TYW1: variants seen among roughly 807,000 people sequenced by gnomAD.
The protein encoded by TYW1 is tRNA-yW synthesizing protein 1 homolog.
TYW1 carries 46 observed loss-of-function variants against 96.2 expected under a neutral mutation model. The ratio of observed to expected loss-of-function variants is 0.48; its 90% CI spans 0.38 to 0.61. TYW1 has a LOEUF of 0.61. Among genes scored for constraint, TYW1 ranks in the 20% least tolerant of loss-of-function variants. TYW1 has a pLI of 0.00. For missense variants in TYW1, 684 were observed against 909.6 expected, an observed-to-expected ratio of 0.75 and a Z score of 3.19; for synonymous variants, 274 against 323.0, an observed-to-expected ratio of 0.85 and a Z score of 1.63.
chr7:67,213,163 C>T (rs1460672129), intron 15 of TYW1, among the ~76,000 whole-genome samples: 2 of 140,270 alleles, frequency 1.4e-5, no homozygotes, highest in East Asian at 2.0e-4. Flanking sequence ...TGAGCCACCA[C>T]GCCCGGCCCT....
intron 10 of TYW1, among the ~76,000 whole-genome samples, chr7:67,070,457 T>C (rs564291445): frequency 2.0e-5 from 3 of 152,300 alleles, no homozygotes; most frequent in South Asian, 4.1e-4. Context: ...TTTTTCTACT[T>C]AGACAAGATA....
chr7:67,098,127 A>G (rs1024933578), intron 11 of TYW1, among the ~76,000 whole-genome samples: 3 of 152,174 alleles, frequency 2.0e-5, no homozygotes, highest in Non-Finnish European at 4.4e-5. Context: ...ACAGCTTTGG[A>G]CCAACTACAT....
chr7:67,026,452 G>A (rs1479941203), intron 7 of TYW1, among the ~76,000 whole-genome samples: 1 of 152,102 alleles, frequency 6.6e-6, no homozygotes, highest in Non-Finnish European at 1.5e-5. Context: ...GCATCAAAGT[G>A]GACTCGAACA....
intron 15 of TYW1, among the ~76,000 whole-genome samples, chr7:67,199,308 G>T (rs191935455): frequency 5.3e-5 from 8 of 152,176 alleles, no homozygotes; most frequent in Non-Finnish European, 1.0e-4. Flanking sequence ...TGTTGGCGAC[G>T]TGTCCTTTTC....
rs887519680 is a variant in TYW1, at chr7:67,067,494, T to C, written c.1274+91T>C. On this transcript the variant is annotated intron_variant, in intron 10 of 15. Transcript: ENST00000359626. ...CTCACACTCAGACTTACCTAAGAGC[T>C]CTGCTGTCTTGGTGATTAATCTTTT... 7 of 1,400,008 alleles carry C rather than the reference T, an allele frequency of 5.0e-6. No homozygotes were observed. The African/African-American group carries it at 1.0e-4, about 20-fold the overall frequency. 86.7% of individuals were successfully genotyped at this position (1,400,008 alleles called of 1,614,324 possible). A position where few individuals can be genotyped will look rare whatever the true frequency, so the allele number is the denominator to read the frequency against.
rs190771858 is a variant in TYW1 at position 67,144,670 on chromosome 7, C to T, written c.1698+27052C>T. 3.3e-5 allele frequency among the ~76,000 whole-genome samples: 5 copies of T among 152,166 alleles called. No individual in the cohort carries two copies. In the East Asian group the frequency reaches 9.7e-4, roughly 29 times the overall value. On this transcript the variant is annotated intron_variant, in intron 13 of 15. Transcript: ENST00000359626. Reference sequence around the variant, plus strand: ...ATTTTTTATAGAGACAGGGTTTCGCCGTGTTGCCCAGCCTCCTCTAGAGCT... The same window carrying T: ...ATTTTTTATAGAGACAGGGTTTCGCTGTGTTGCCCAGCCTCCTCTAGAGCT...
chr7:67,013,889 A>G (rs1185213163), intron 4 of TYW1, among the ~76,000 whole-genome samples: 37 of 150,534 alleles, frequency 2.5e-4, no homozygotes, highest in Admixed American at 1.3e-3. Context: ...GACTACAGGC[A>G]CCCGCCACCA....
intron 6 of TYW1, among the ~76,000 whole-genome samples, chr7:67,024,279 G>A (rs1346167864): frequency 2.6e-5 from 4 of 151,932 alleles, no homozygotes; most frequent in Non-Finnish European, 5.9e-5. Context: ...ATGCTCCTGC[G>A]TCAGCCTCCT....
At chr7:67,055,613 G>T (rs1327282279) in intron 8 of TYW1, among the ~76,000 whole-genome samples, 1 of 136,692 alleles carries the variant, frequency 7.3e-6, no homozygotes, top group African/African-American at 2.5e-5. Flanking sequence ...AAAAAAAAAA[G>T]ATCATTTCTT....
chr7:67,173,158 T>G (rs542817504), intron 13 of TYW1, among the ~76,000 whole-genome samples: 2 of 152,324 alleles, frequency 1.3e-5, no homozygotes, highest in East Asian at 3.9e-4. Flanking sequence ...TTTTCTCTGA[T>G]AGTTTCCAAA....
Position 67,217,191 on chromosome 7 carries a change from A to G in TYW1, c.1978-21117A>G, listed in dbSNP as rs1801222432. Among the ~76,000 whole-genome samples, 3 of 151,698 alleles carry G rather than the reference A, an allele frequency of 2.0e-5. No individual in the cohort carries two copies. The East Asian group carries it at 5.8e-4, about 30-fold the overall frequency. On this transcript the variant is annotated intron_variant, in intron 15 of 15. Coordinates refer to ENST00000359626, the MANE Select transcript of TYW1 (RefSeq NM_018264.4). The stretch of plus-strand genomic sequence containing the variant: ...TCCCTTACCAGATACATCATTTGCA[A>G]TTTTTTTCCCCATTTTCTGAGTTGC...
chr7:67,164,620 A>AG (rs1474166170), intron 13 of TYW1, among the ~76,000 whole-genome samples: 1 of 151,812 alleles, frequency 6.6e-6, no homozygotes, highest in African/African-American at 2.4e-5. Context: ...AAAAAAAAAA[A>AG]AAAAAGTTAC....
At chr7:67,158,820 C>G (rs1360071661) in intron 13 of TYW1, among the ~76,000 whole-genome samples, 1 of 151,660 alleles carries the variant, frequency 6.6e-6, no homozygotes, top group African/African-American at 2.4e-5. Flanking sequence ...ATCTGCCCGC[C>G]TCAGCCTCCC....
intron 12 of TYW1, among the ~76,000 whole-genome samples, chr7:67,108,117 T>G (rs1797295984): frequency 6.6e-6 from 1 of 152,032 alleles, no homozygotes; most frequent in East Asian, 1.9e-4. Flanking sequence ...CTTCAAGTGA[T>G]TTGCCTGCCT....
intron 11 of TYW1, among the ~76,000 whole-genome samples, chr7:67,092,313 G>A (rs923784690): frequency 3.3e-5 from 5 of 151,528 alleles, no homozygotes; most frequent in Admixed American, 6.6e-5. Flanking sequence ...ATAGTCTGTC[G>A]GCAGATTATC....
At chr7:67,148,519 G>A (rs1384921427) in intron 13 of TYW1, among the ~76,000 whole-genome samples, 12 of 141,896 alleles carry the variant, frequency 8.5e-5, no homozygotes, top group Non-Finnish European at 1.4e-4. Context: ...TCCGCCCCCC[G>A]GGTTCACGCC....
chr7:67,085,585 A>G (rs1315350128), intron 11 of TYW1, among the ~76,000 whole-genome samples: 2 of 152,192 alleles, frequency 1.3e-5, no homozygotes, highest in Non-Finnish European at 2.9e-5. Flanking sequence ...GCAGTATGAA[A>G]ATGGGCTCAT....
intron 10 of TYW1, among the ~76,000 whole-genome samples, chr7:67,078,122 G>A (rs1162455328): frequency 1.3e-5 from 2 of 151,346 alleles, no homozygotes; most frequent in Non-Finnish European, 2.9e-5. Flanking sequence ...TTGAGATGGA[G>A]TTTTACACTG....
At chr7:67,032,466 A>G (rs1417626302) in intron 7 of TYW1, among the ~76,000 whole-genome samples, 1 of 152,098 alleles carries the variant, frequency 6.6e-6, no homozygotes, top group Non-Finnish European at 1.5e-5. Context: ...CAAAAATACA[A>G]AAACAAAAAT....
Sources: allele counts gnomAD v4.1 joint callset (sites outside exome capture counted in the v4.1 genomes callset), GRCh38; gene constraint gnomAD v4.1.1; transcripts MANE v1.5; gene names NCBI Gene and HGNC (gene_info 2026-07-23, HGNC 2026-07-21).